Variants in PDGFC observed in about 807,000 individuals in gnomAD.
PDGFC encodes platelet-derived growth factor C.
Under a neutral mutation model 35.5 loss-of-function variants are expected in PDGFC, and 12 were observed. That is an observed-to-expected ratio of 0.34 (90% CI 0.22 to 0.55). PDGFC has a LOEUF of 0.55. Among genes scored for constraint, PDGFC ranks in the 20% least tolerant of loss-of-function variants. The probability of loss-of-function intolerance (pLI) is 0.91; values close to 1 mark genes in which losing one functional copy is unlikely to be tolerated. For missense variants in PDGFC, 322 were observed against 412.4 expected (o/e 0.78, Z 1.90); for synonymous variants, 159 against 148.8 (o/e 1.07, Z -0.50).
In PDGFC at chr4:156,763,052, T is replaced by A; in HGVS notation, c.*38A>T. ...TCTCTAATAGAATCAGCCACTGCAC[T>A]GCACAGCTCTGGGCAAGAGCTGCTG... On this transcript the variant is annotated 3_prime_UTR_variant, in exon 6 of 6. Coordinates refer to ENST00000502773, the MANE Select transcript of PDGFC (RefSeq NM_016205.3). 9.5e-7 allele frequency: 1 copy of A among 1,054,394 alleles called. No individual in the cohort carries two copies. The highest frequency in any genetic ancestry group is 1.6e-5 in the African/African-American group (1 of 64,384). 65.3% of individuals were successfully genotyped at this position (1,054,394 alleles called of 1,614,324 possible).
chr4:156,934,710 A>T (rs1462246031), intron 1 of PDGFC, among the ~76,000 whole-genome samples: 1 of 152,076 alleles, frequency 6.6e-6, no homozygotes, highest in Non-Finnish European at 1.5e-5. Context: ...CTTTATATCC[A>T]TATTCTATGT....
chr4:156,804,863 A>G (rs1731717291), intron 3 of PDGFC, among the ~76,000 whole-genome samples: 1 of 152,044 alleles, frequency 6.6e-6, no homozygotes, highest in Admixed American at 6.6e-5. Context: ...GGCTTTAGCT[A>G]TAAAATATGA....
chr4:156,797,755 G>C (rs2110903514), intron 3 of PDGFC, among the ~76,000 whole-genome samples: 1 of 152,282 alleles, frequency 6.6e-6, no homozygotes, highest in East Asian at 1.9e-4. Flanking sequence ...CTTGGAGTTG[G>C]TCACCTGCGA....
rs746808850 is a variant in PDGFC at position 156,887,757 on chromosome 4, A to AT, written c.119-37342dup. On this transcript the variant is annotated intron_variant, in intron 1 of 5. Coordinates refer to ENST00000502773, the MANE Select transcript of PDGFC (RefSeq NM_016205.3). ...CTTCTGGGTGTAGTGCCACAGGCCTATAACCCCTCACTTTGGGAGGCTGAG... is the reference window on the plus strand; with the variant it reads ...CTTCTGGGTGTAGTGCCACAGGCCTATTAACCCCTCACTTTGGGAGGCTGAG... Among the ~76,000 whole-genome samples, 64 of 152,236 alleles carry AT rather than the reference A, an allele frequency of 4.2e-4. 1 individual carries two copies. The Middle Eastern group carries it at 0.01, about 24-fold the overall frequency.
chr4:156,792,937 G>A (rs1036654764), intron 3 of PDGFC, among the ~76,000 whole-genome samples: 2 of 152,088 alleles, frequency 1.3e-5, no homozygotes, highest in Admixed American at 6.6e-5. Context: ...AGTTACAGGG[G>A]ACAGATGGAC....
intron 4 of PDGFC, among the ~76,000 whole-genome samples, chr4:156,771,196 A>G (rs1355509146): frequency 6.6e-6 from 1 of 152,180 alleles, no homozygotes; most frequent in Non-Finnish European, 1.5e-5. Context: ...CTCTGGCCAA[A>G]TCTTTGAGCA....
intron 4 of PDGFC, among the ~76,000 whole-genome samples, chr4:156,769,170 C>T (rs1730624931): frequency 6.6e-6 from 1 of 151,222 alleles, no homozygotes; most frequent in South Asian, 2.1e-4. Flanking sequence ...TACCTTTCCA[C>T]TAATATGGAT....
At chr4:156,794,931 G>T (rs768226471) in intron 3 of PDGFC, among the ~76,000 whole-genome samples, 1 of 152,034 alleles carries the variant, frequency 6.6e-6, no homozygotes, top group African/African-American at 2.4e-5. Flanking sequence ...GTATCAAGAT[G>T]GAAACAGAAC....
At chr4:156,946,158 T>G (rs557386132) in intron 1 of PDGFC, among the ~76,000 whole-genome samples, 1 of 152,060 alleles carries the variant, frequency 6.6e-6, no homozygotes, top group Non-Finnish European at 1.5e-5. Context: ...AAAGTACTAG[T>G]TGTTAGTATT....
intron 1 of PDGFC, among the ~76,000 whole-genome samples, chr4:156,862,668 T>A (rs1051305393): frequency 1.5e-4 from 23 of 152,184 alleles, no homozygotes; most frequent in African/African-American, 5.3e-4. Context: ...ACTACTCTAT[T>A]TTATAGTCAC....
intron 1 of PDGFC, among the ~76,000 whole-genome samples, chr4:156,877,129 G>A (rs1730134130): frequency 1.3e-5 from 2 of 151,694 alleles, no homozygotes; most frequent in South Asian, 2.1e-4. Context: ...TACATAATAA[G>A]TGTATATATT....
chr4:156,856,487 G>A (rs1560843286), intron 1 of PDGFC, among the ~76,000 whole-genome samples: 1 of 152,116 alleles, frequency 6.6e-6, no homozygotes, highest in Non-Finnish European at 1.5e-5. Flanking sequence ...AGTTTCAGAT[G>A]TTACCTCTTT....
chr4:156,811,328 T>C (rs1018060801), intron 2 of PDGFC, among the ~76,000 whole-genome samples: 1 of 152,096 alleles, frequency 6.6e-6, no homozygotes, highest in Non-Finnish European at 1.5e-5. Context: ...TCATGAATTA[T>C]TGAATATAAT....
chr4:156,774,426 G>A (rs1276742695), intron 3 of PDGFC: 1 of 152,052 alleles, frequency 6.6e-6, no homozygotes, highest in Non-Finnish European at 1.5e-5. Flanking sequence ...GGCACAACAG[G>A]GTCATCACTG....
chr4:156,928,088 C>T (rs1731459477), intron 1 of PDGFC, among the ~76,000 whole-genome samples: 1 of 152,088 alleles, frequency 6.6e-6, no homozygotes, highest in Non-Finnish European at 1.5e-5. Context: ...TTATTCACTA[C>T]CATGAGAACA....
chr4:156,906,890 G>A (rs1293968474), intron 1 of PDGFC, among the ~76,000 whole-genome samples: 1 of 152,156 alleles, frequency 6.6e-6, no homozygotes, highest in Admixed American at 6.5e-5. Context: ...TAGAAGGCTG[G>A]CTTATGCTGG....
intron 1 of PDGFC, among the ~76,000 whole-genome samples, chr4:156,942,469 T>G (rs1374379362): frequency 6.6e-6 from 1 of 151,904 alleles, no homozygotes; most frequent in Non-Finnish European, 1.5e-5. Flanking sequence ...AAATAGATAC[T>G]TTTTTCTAGT....
At chr4:156,783,089 A>G (rs1731026834) in intron 3 of PDGFC, among the ~76,000 whole-genome samples, 1 of 152,194 alleles carries the variant, frequency 6.6e-6, no homozygotes, top group Admixed American at 6.5e-5. Flanking sequence ...AGTAATTATT[A>G]TATAGATTAG....
intron 1 of PDGFC, among the ~76,000 whole-genome samples, chr4:156,905,085 G>C (rs1210891221): frequency 6.6e-6 from 1 of 151,968 alleles, no homozygotes; most frequent in Non-Finnish European, 1.5e-5. Flanking sequence ...CAGATTCTGT[G>C]CCTCTTGCAC....
Sources: gnomAD v4.1 joint callset for allele counts (sites outside exome capture counted in the v4.1 genomes callset) on GRCh38, gnomAD v4.1.1 for gene constraint, MANE v1.5 for transcripts, NCBI Gene and HGNC (gene_info 2026-07-23, HGNC 2026-07-21) for gene names.